The following PDE4D variants were observed in gnomAD, a reference collection of about 807,000 sequenced individuals.
PDE4D encodes the protein phosphodiesterase 4D.
PDE4D carries 24 observed loss-of-function variants against 87.4 expected under a neutral mutation model. The observed-to-expected ratio is 0.27, with a 90% confidence interval of 0.20 to 0.39. The LOEUF is 0.39. Ranked by LOEUF, PDE4D falls within the 10% of genes least tolerant of loss-of-function variation. The pLI is 1.00. For synonymous variants in PDE4D, 384 were observed against 383.2 expected, an observed-to-expected ratio of 1.00 and a Z score of -0.02; for missense variants, 714 against 1,041.0, an observed-to-expected ratio of 0.69 and a Z score of 4.32.
At chr5:59,024,200 CT>C (rs566593585) in intron 6 of PDE4D, among the ~76,000 whole-genome samples, 209 of 114,832 alleles carry the variant, frequency 1.8e-3, no homozygotes, top group African/African-American at 5.9e-3. Context: ...CTGAATTCTA[CT>C]TTTTTTTTTT....
chr5:59,750,883 G>A (rs1324485250), intron 1 of PDE4D, among the ~76,000 whole-genome samples: 2 of 150,416 alleles, frequency 1.3e-5, no homozygotes, highest in Non-Finnish European at 3.0e-5. Flanking sequence ...TCAAGGCTTA[G>A]GTGAGCAGTG....
intron 2 of PDE4D, among the ~76,000 whole-genome samples, chr5:60,028,335 C>T (rs1431223215): frequency 1.3e-5 from 2 of 152,124 alleles, no homozygotes; most frequent in African/African-American, 2.4e-5. Flanking sequence ...ATGGGTGCCC[C>T]CAAAGCCCTG....
intron 1 of PDE4D, among the ~76,000 whole-genome samples, chr5:59,762,539 T>TATATGTGTATATGGGTACAC (rs1762211073): frequency 1.6e-5 from 2 of 124,498 alleles, no homozygotes; most frequent in Non-Finnish European, 3.3e-5. Flanking sequence ...TACACATGTG[T>TATATGTGTATATGGGTACAC]ATATGTGTAT....
intron 1 of PDE4D, among the ~76,000 whole-genome samples, chr5:59,791,505 T>C (rs1417554013): frequency 6.6e-6 from 1 of 152,202 alleles, no homozygotes; most frequent in Non-Finnish European, 1.5e-5. Flanking sequence ...GGGTAAATGA[T>C]GGAGAGGCCA....
intron 1 of PDE4D, among the ~76,000 whole-genome samples, chr5:59,688,263 T>C (rs925536462): frequency 2.0e-5 from 3 of 152,194 alleles, no homozygotes; most frequent in African/African-American, 4.8e-5. Context: ...CAACAGAATA[T>C]ACATTCTTCT....
At chr5:59,791,254 G>C (rs1179737226) in intron 1 of PDE4D, among the ~76,000 whole-genome samples, 1 of 152,194 alleles carries the variant, frequency 6.6e-6, no homozygotes, top group Non-Finnish European at 1.5e-5. Flanking sequence ...TCCTTGGATG[G>C]AGAACACATT....
chr5:59,386,698 G>A (rs1787104499), intron 1 of PDE4D, among the ~76,000 whole-genome samples: 1 of 144,866 alleles, frequency 6.9e-6, no homozygotes, highest in Non-Finnish European at 1.5e-5. Context: ...AGGAAGGGAG[G>A]GAGGGAGGGA....
upstream of PDE4D, chr5:60,491,515 T>C (rs1749530721): frequency 6.6e-6 from 1 of 152,214 alleles, no homozygotes; most frequent in African/African-American, 2.4e-5. Context: ...AAAATTAGCA[T>C]AAACCATCAA....
intron 1 of PDE4D, among the ~76,000 whole-genome samples, chr5:59,354,578 T>C (rs967216560): frequency 2.0e-5 from 3 of 152,196 alleles, no homozygotes; most frequent in Admixed American, 6.5e-5. Flanking sequence ...TTTTAAGTTA[T>C]ATGATATGTA....
At chr5:59,590,825 G>C (rs143286079) in intron 1 of PDE4D, among the ~76,000 whole-genome samples, 1 of 152,092 alleles carries the variant, frequency 6.6e-6, no homozygotes, top group Non-Finnish European at 1.5e-5. Flanking sequence ...TACAAACTCA[G>C]AGCAAACCAA....
chr5:59,364,250 C>T (rs937485761), intron 1 of PDE4D, among the ~76,000 whole-genome samples: 2 of 152,106 alleles, frequency 1.3e-5, no homozygotes, highest in Non-Finnish European at 2.9e-5. Context: ...TTCAGTGTTA[C>T]CACTAATTTT....
At chr5:59,786,611 A>G (rs1765204428) in intron 1 of PDE4D, among the ~76,000 whole-genome samples, 2 of 152,220 alleles carry the variant, frequency 1.3e-5, no homozygotes, top group South Asian at 4.1e-4. Context: ...TTAGGCGAGG[A>G]TAGTACTTTG....
intron 1 of PDE4D, among the ~76,000 whole-genome samples, chr5:59,513,104 C>T (rs867294635): frequency 2.2e-4 from 33 of 151,844 alleles, no homozygotes; most frequent in African/African-American, 5.6e-4. Flanking sequence ...TTTTTCATGC[C>T]GCTATCTTTT....
chr5:59,664,306 G>A (rs1440943260), intron 1 of PDE4D, among the ~76,000 whole-genome samples: 1 of 152,124 alleles, frequency 6.6e-6, no homozygotes, highest in Non-Finnish European at 1.5e-5. Flanking sequence ...GTTGGTCTAG[G>A]CACCTACAAT....
chr5:59,161,872 G>A (rs147112767), intron 5 of PDE4D, among the ~76,000 whole-genome samples: 105 of 152,246 alleles, frequency 6.9e-4, no homozygotes, highest in African/African-American at 2.1e-3. Context: ...TCAGAGGTGC[G>A]GTTTGATGAT....
chr5:59,655,729 A>G (rs1438334628), intron 1 of PDE4D, among the ~76,000 whole-genome samples: 1 of 152,186 alleles, frequency 6.6e-6, no homozygotes, highest in East Asian at 1.9e-4. Flanking sequence ...CAGAAACAGA[A>G]ACTAAGAACC....
At chr5:59,433,407 C>G (rs184962361) in intron 1 of PDE4D, among the ~76,000 whole-genome samples, 3 of 152,124 alleles carry the variant, frequency 2.0e-5, no homozygotes, top group Non-Finnish European at 4.4e-5. Context: ...TAAACTCCAG[C>G]CTGCCAAGAA....
chr5:59,002,054 A>G (rs2968014), intron 6 of PDE4D: 444,587 of 514,630 alleles, frequency 0.86, 192,678 homozygotes, highest in Admixed American at 0.93. Flanking sequence ...CTTTCAGTTT[A>G]TTCCTTACCA....
intron 5 of PDE4D, among the ~76,000 whole-genome samples, chr5:59,107,803 T>C (rs1421934742): frequency 6.6e-6 from 1 of 152,230 alleles, no homozygotes; most frequent in Non-Finnish European, 1.5e-5. Flanking sequence ...ATTGGCCACA[T>C]GCCAGTTCTG....
Sources: gnomAD v4.1 joint callset for allele counts (sites outside exome capture counted in the v4.1 genomes callset) on GRCh38, gnomAD v4.1.1 for gene constraint, MANE v1.5 for transcripts, NCBI Gene and HGNC (gene_info 2026-07-23, HGNC 2026-07-21) for gene names.